Variants in DPYD observed in about 807,000 individuals in gnomAD.
The protein encoded by DPYD is dihydropyrimidine dehydrogenase [NADP(+)].
Under a neutral mutation model 116.2 loss-of-function variants are expected in DPYD, and 109 were observed. That is an observed-to-expected ratio of 0.94 (90% CI 0.80 to 1.10). The LOEUF is 1.10. DPYD is among the 50% of genes least tolerant of loss of function. The pLI is 0.00. For missense variants in DPYD, 1,302 were observed against 1,254.5 expected, an observed-to-expected ratio of 1.04 and a Z score of -0.57; for synonymous variants, 440 against 432.0, an observed-to-expected ratio of 1.02 and a Z score of -0.23.
intron 18 of DPYD, among the ~76,000 whole-genome samples, chr1:97,259,496 C>A (rs1663731126): frequency 6.6e-6 from 1 of 152,008 alleles, no homozygotes; most frequent in Non-Finnish European, 1.5e-5. Flanking sequence ...CCTCAGCCTC[C>A]TAAGTAGCTG....
At chr1:97,299,262 C>A (rs1558010214) in intron 18 of DPYD, among the ~76,000 whole-genome samples, 3 of 152,154 alleles carry the variant, frequency 2.0e-5, no homozygotes, top group East Asian at 1.9e-4. Context: ...TAATTTCAAG[C>A]TTGAAATCAT....
intron 20 of DPYD, among the ~76,000 whole-genome samples, chr1:97,125,880 T>A (rs12042544): frequency 0.16 from 25,052 of 152,052 alleles, 2,190 homozygotes; most frequent in East Asian, 0.31. Flanking sequence ...TATTTTGACA[T>A]AGCAGTCTAA....
In DPYD at chr1:97,451,085, T is replaced by A. The variant is rs548593504; in HGVS notation, c.1741-862A>T. On this transcript the variant is annotated intron_variant, in intron 13 of 22. Transcript: ENST00000370192. ...GTCATTTAAGTACCCCTCCTCACCA[T>A]CTTGTCACTTTTAGTAAGATAACAT... is the stretch of plus-strand genomic sequence containing the variant. Among the ~76,000 whole-genome samples, 11 of 152,284 alleles carry A rather than the reference T, an allele frequency of 7.2e-5. No individual in the cohort carries two copies. In the South Asian group the frequency reaches 2.1e-3, roughly 29 times the overall value.
chr1:97,163,884 G>A (rs1458374964), intron 20 of DPYD, among the ~76,000 whole-genome samples: 1 of 152,154 alleles, frequency 6.6e-6, no homozygotes. Context: ...ACAAGATTGA[G>A]AGACAACTTT....
chr1:97,435,820 A>T lies in DPYD; in HGVS notation c.1905+14239T>A, dbSNP rs185095403. On this transcript the variant is annotated intron_variant, in intron 14 of 22. Transcript: ENST00000370192. ...TATTCCCTGTAGGGTACAATGTAAA[A>T]GAATAAACTAGCTACTGGCAAAAAA... Among the ~76,000 whole-genome samples the T allele has an allele frequency of 1.8e-3, 269 of 152,064 alleles. 3 individuals are homozygous for T. The South Asian group carries it at 0.018, about 10-fold the overall frequency.
rs182462119 is a variant in DPYD at position 97,265,596 on chromosome 1, C to G, written c.2300-30602G>C. On this transcript the variant is annotated intron_variant, in intron 18 of 22. Transcript: ENST00000370192. ...AAGAATAACATTTGTCTTTATCAGT[C>G]CCACCTGTGGGAGTTTGAATGTGGT... The G allele has an allele frequency of 1.0e-3, 155 of 152,262 alleles. 1 individual carries two copies. Among genetic ancestry groups the G allele is most frequent in the Middle Eastern group, 3.4e-3 (1 of 294 alleles). The allele number at this position is 152,262 out of a possible 1,614,324, so 9.4% of individuals were successfully genotyped here.
At chr1:97,151,720 AAAG>A (rs904620143) in intron 20 of DPYD, among the ~76,000 whole-genome samples, 1 of 152,080 alleles carries the variant, frequency 6.6e-6, no homozygotes, top group Non-Finnish European at 1.5e-5. Flanking sequence ...AAATGAAAGA[AAAG>A]AAGAGAAAAA....
chr1:97,887,137 G>T (rs950767176), intron 1 of DPYD, among the ~76,000 whole-genome samples: 1 of 151,970 alleles, frequency 6.6e-6, no homozygotes, highest in African/African-American at 2.4e-5. Context: ...CACCCTGTGA[G>T]AATGACATCA....
chr1:97,656,132 A>C (rs1001357989), intron 8 of DPYD, among the ~76,000 whole-genome samples: 1 of 152,188 alleles, frequency 6.6e-6, no homozygotes, highest in Non-Finnish European at 1.5e-5. Flanking sequence ...ATTCACAACA[A>C]CACATCTTAT....
At chr1:97,469,396 G>GAAAAAAAAAAAA (rs1557733908) in intron 13 of DPYD, among the ~76,000 whole-genome samples, 1 of 8,526 alleles carries the variant, frequency 1.2e-4, no homozygotes, top group African/African-American at 5.8e-4. Flanking sequence ...AGCTAAAATT[G>GAAAAAAAAAAAA]CAAAAAAAAA....
intron 19 of DPYD, among the ~76,000 whole-genome samples, chr1:97,204,175 G>A (rs1451667748): frequency 6.6e-6 from 1 of 152,028 alleles, no homozygotes; most frequent in African/African-American, 2.4e-5. Flanking sequence ...AAAGCAATAA[G>A]GTTTGCATTT....
chr1:97,603,134 G>T (rs1655370372), intron 8 of DPYD, among the ~76,000 whole-genome samples: 1 of 151,990 alleles, frequency 6.6e-6, no homozygotes, highest in African/African-American at 2.4e-5. Context: ...TGAAGTAAGG[G>T]TAAGCAAAAA....
chr1:97,846,272 A>G (rs973797867), intron 2 of DPYD, among the ~76,000 whole-genome samples: 4 of 152,276 alleles, frequency 2.6e-5, no homozygotes, highest in East Asian at 1.9e-4. Context: ...ACCTTGCTCT[A>G]TGCATCTCCT....
At chr1:97,526,946 T>A (rs1649149074) in intron 12 of DPYD, among the ~76,000 whole-genome samples, 1 of 152,208 alleles carries the variant, frequency 6.6e-6, no homozygotes, top group Admixed American at 6.5e-5. Flanking sequence ...TATGCATTAT[T>A]CTCCTATTGA....
In DPYD at chr1:97,515,812, T is replaced by C. The variant is rs771648776; in HGVS notation, c.1654A>G (p.Thr552Ala). 6.2e-6 allele frequency: 10 copies of C among 1,612,730 alleles called. No homozygotes were observed. In the South Asian group the frequency reaches 6.6e-5, roughly 11 times the overall value. Residue 552 changes from threonine to alanine, a missense_variant, in exon 13 of 23, where the codon ACT becomes GCT. Transcript: ENST00000370192. ...ATCATTGATGTGCTGGTGGCTGGAG[T>C]TGCGCTAGCAAGACCAAAAGGATTT... is the stretch of plus-strand genomic sequence containing the variant. ...FINPFGLASA[T>A]PATSTSMIRR...
At chr1:97,897,479 T>G (rs1419741128) in intron 1 of DPYD, among the ~76,000 whole-genome samples, 1 of 151,854 alleles carries the variant, frequency 6.6e-6, no homozygotes, top group African/African-American at 2.4e-5. Flanking sequence ...TGCTTCACTC[T>G]CATCTCTGGG....
chr1:97,761,132 C>T (rs927545599), intron 3 of DPYD, among the ~76,000 whole-genome samples: 3 of 151,954 alleles, frequency 2.0e-5, no homozygotes, highest in African/African-American at 7.2e-5. Context: ...CATCAGGTGG[C>T]TTAAAGTCCA....
intron 3 of DPYD, among the ~76,000 whole-genome samples, chr1:97,782,556 C>A (rs1240609347): frequency 1.3e-5 from 2 of 152,174 alleles, no homozygotes; most frequent in East Asian, 3.9e-4. Context: ...ACTCACTTTA[C>A]TTCCCATTTT....
At chr1:97,592,195 T>C (rs1654566272) in intron 10 of DPYD, among the ~76,000 whole-genome samples, 1 of 152,204 alleles carries the variant, frequency 6.6e-6, no homozygotes, top group African/African-American at 2.4e-5. Context: ...GAGTAATTTA[T>C]CTTTCTATAA....
Sources: allele counts gnomAD v4.1 joint callset (sites outside exome capture counted in the v4.1 genomes callset), GRCh38; gene constraint gnomAD v4.1.1; transcripts MANE v1.5; gene names NCBI Gene and HGNC (gene_info 2026-07-23, HGNC 2026-07-21).